USH2A: variants seen among roughly 807,000 people sequenced by gnomAD.
USH2A encodes Usher syndrome 2A (autosomal recessive, mild).
In USH2A, 443 loss-of-function variants were observed where a neutral mutation model predicts 538.9. The observed-to-expected ratio is 0.82, with a 90% confidence interval of 0.76 to 0.89. USH2A has a LOEUF of 0.89. Ranked by LOEUF, USH2A falls within the 40% of genes least tolerant of loss-of-function variation. The pLI is 0.00. For synonymous variants in USH2A, 2,413 were observed against 2,273.5 expected (o/e 1.06, Z -1.75); for missense variants, 6,633 against 6,324.8 (o/e 1.05, Z -1.65).
chr1:215,929,635 C>T (rs1447848996), intron 38 of USH2A, among the ~76,000 whole-genome samples: 1 of 151,918 alleles, frequency 6.6e-6, no homozygotes, highest in Non-Finnish European at 1.5e-5. Flanking sequence ...GTAGGAAGCA[C>T]CAAATGTTTA....
intron 38 of USH2A, among the ~76,000 whole-genome samples, chr1:215,925,061 A>G (rs1431732178): frequency 6.6e-6 from 1 of 152,148 alleles, no homozygotes; most frequent in Non-Finnish European, 1.5e-5. Context: ...AATTGTTCAC[A>G]AATTATGAAA....
intron 30 of USH2A, among the ~76,000 whole-genome samples, chr1:216,052,899 A>C (rs2030841293): frequency 6.6e-6 from 1 of 152,226 alleles, no homozygotes. Context: ...CTTTGAGATC[A>C]TTGAGTGGTT....
chr1:216,244,513 G>A (rs1298585425), intron 13 of USH2A, among the ~76,000 whole-genome samples: 2 of 152,042 alleles, frequency 1.3e-5, no homozygotes, highest in African/African-American at 4.8e-5. Context: ...GGGAGAAAAG[G>A]GCTTAGAGTT....
At position 216,101,176 on chromosome 1, in the gene USH2A, T is replaced by C. The variant is rs185987953; in HGVS notation, c.4628-3963A>G. Among the ~76,000 whole-genome samples the C allele has an allele frequency of 4.3e-4, 66 of 152,368 alleles. 1 individual carries two copies. The South Asian group carries it at 0.013, about 29-fold the overall frequency. On this transcript the variant is annotated intron_variant, in intron 21 of 71. Coordinates refer to ENST00000307340, the MANE Select transcript of USH2A (RefSeq NM_206933.4). ...TGACAATTAATTATTGCCATAGATATAGATAAATTCTATCTTTTGAGCCAA... is the reference window on the plus strand; with the variant it reads ...TGACAATTAATTATTGCCATAGATACAGATAAATTCTATCTTTTGAGCCAA...
intron 64 of USH2A, among the ~76,000 whole-genome samples, chr1:215,654,086 CA>C (rs1185857431): frequency 6.6e-6 from 1 of 151,436 alleles, no homozygotes; most frequent in Non-Finnish European, 1.5e-5. Context: ...ATTCTATGGC[CA>C]AGAGAAAAAA....
At chr1:216,277,434 C>A (rs2102589744) in intron 11 of USH2A, among the ~76,000 whole-genome samples, 1 of 152,228 alleles carries the variant, frequency 6.6e-6, no homozygotes, top group South Asian at 2.1e-4. Context: ...CAGGGTCCAC[C>A]TCCAAGCAGG....
At position 216,418,536 on chromosome 1, in the gene USH2A, T is replaced by C. The variant is rs2039613780; in HGVS notation, c.629A>G (p.Lys210Arg). 1 of 1,613,100 alleles carries C rather than the reference T, an allele frequency of 6.2e-7. No homozygotes were observed. The highest frequency in any genetic ancestry group is 1.3e-5 in the African/African-American group (1 of 74,858). ...VMTLGRILVK[K>R]WIHLSVQVHQ... is the part of the protein sequence containing the mutation. ...CACCTGCACACTAAGATGAATCCAT[T>C]TCTTCACAAGAATTCTCCCCAGTGT... The change falls in exon 3 of 72, where the codon AAA becomes AGA. Residue 210 changes from lysine (K) to arginine (R), a missense_variant. Physicochemically the swap from Lys to Arg is conservative, Grantham distance 26. Coordinates refer to ENST00000307340, the MANE Select transcript of USH2A (RefSeq NM_206933.4).
intron 64 of USH2A, among the ~76,000 whole-genome samples, chr1:215,670,206 A>G (rs966284975): frequency 7.2e-5 from 11 of 152,188 alleles, no homozygotes; most frequent in Non-Finnish European, 1.2e-4. Flanking sequence ...GCTGAAGATC[A>G]AGCCCCAGGC....
intron 21 of USH2A, among the ~76,000 whole-genome samples, chr1:216,123,837 T>C: frequency 6.6e-6 from 1 of 152,056 alleles, no homozygotes; most frequent in East Asian, 1.9e-4. Context: ...CCTAAGAAAG[T>C]TTTCTTTTTC....
At chr1:215,736,750 T>C (rs1558075587) in intron 60 of USH2A, among the ~76,000 whole-genome samples, 2 of 151,958 alleles carry the variant, frequency 1.3e-5, no homozygotes, top group Non-Finnish European at 2.9e-5. Context: ...AAATGAACAA[T>C]CTTACTTATA....
chr1:215,842,811 G>T (rs1261091162), intron 46 of USH2A, among the ~76,000 whole-genome samples: 1 of 151,986 alleles, frequency 6.6e-6, no homozygotes, highest in Non-Finnish European at 1.5e-5. Context: ...GGCCTGTTGG[G>T]GGGGCATCAG....
chr1:216,083,736 T>C (rs1451758890), intron 25 of USH2A, 150 bp from the exon 26 acceptor site: 1 of 775,272 alleles, frequency 1.3e-6, no homozygotes. Context: ...CCTTTTGTAA[T>C]TGCACAGAAG....
intron 67 of USH2A, among the ~76,000 whole-genome samples, chr1:215,646,234 G>GT (rs1281757877): frequency 6.6e-6 from 1 of 152,046 alleles, no homozygotes; most frequent in Non-Finnish European, 1.5e-5. Context: ...ACATAGAAGA[G>GT]TCTTGGACTT....
chr1:216,084,566 A>G (rs1281640698), intron 25 of USH2A, 132 bp downstream of exon 25: 4 of 907,520 alleles, frequency 4.4e-6, no homozygotes, highest in Non-Finnish European at 5.1e-6. Flanking sequence ...TGTGTGCACC[A>G]TTGGAATAAC....
rs1657927069 is a variant in USH2A, at chr1:215,674,399, C to T, written c.13512G>A (p.Glu4504=). 2.5e-6 allele frequency: 4 copies of T among 1,614,136 alleles called. No homozygotes were observed. The highest frequency in any genetic ancestry group is 2.2e-5 in the East Asian group (1 of 44,854). The part of the protein sequence containing the change: ...YRDFTLTPGV[E]YSYTVTASNS... ...TGCTGGCAGTTACTGTGTAGCTATACTCCACACCTGGGGTGAGAGTAAAAT... is the reference window on the plus strand; with the variant it reads ...TGCTGGCAGTTACTGTGTAGCTATATTCCACACCTGGGGTGAGAGTAAAAT... The change falls in exon 63 of 72, where the codon GAG becomes GAA. Residue 4504 remains glutamate (E), a synonymous_variant. Coordinates refer to ENST00000307340, the MANE Select transcript of USH2A (RefSeq NM_206933.4).
chr1:216,083,555 A>G lies in USH2A; in HGVS notation c.5199T>C (p.His1733=). 6.2e-7 allele frequency: 1 copy of G among 1,612,426 alleles called. No individual in the cohort carries two copies. Among genetic ancestry groups the G allele is most frequent in the Admixed American group, 1.7e-5 (1 of 59,862 alleles). Residue 1733 remains histidine, a synonymous_variant, in exon 26 of 72, where the codon CAT becomes CAC. Coordinates refer to ENST00000307340, the MANE Select transcript of USH2A (RefSeq NM_206933.4). ...AGGAAATCTCAAAGTTCATTCCACCATGAAACATATATGGATGAAGTTCCA... is the reference window on the plus strand; with the variant it reads ...AGGAAATCTCAAAGTTCATTCCACCGTGAAACATATATGGATGAAGTTCCA... ...GFLELHPYMF[H]GGMNFEISFK... is the part of the protein sequence containing the mutation.
chr1:215,849,349 T>C (rs954001142), intron 44 of USH2A, among the ~76,000 whole-genome samples: 1 of 152,052 alleles, frequency 6.6e-6, no homozygotes, highest in African/African-American at 2.4e-5. Flanking sequence ...GACAGAGATG[T>C]AAAGGGGTCT....
intron 9 of USH2A, among the ~76,000 whole-genome samples, chr1:216,296,851 T>C (rs187940370): frequency 6.6e-6 from 1 of 152,098 alleles, no homozygotes; most frequent in Non-Finnish European, 1.5e-5. Context: ...CAAATCAAAT[T>C]TATTTCATAA....
intron 61 of USH2A, among the ~76,000 whole-genome samples, chr1:215,714,929 T>C (rs1659441128): frequency 6.6e-6 from 1 of 152,232 alleles, no homozygotes; most frequent in African/African-American, 2.4e-5. Flanking sequence ...TTGATTATCT[T>C]AAGTAAGCTT....
Sources: gnomAD v4.1 joint callset for allele counts (sites outside exome capture counted in the v4.1 genomes callset) on GRCh38, gnomAD v4.1.1 for gene constraint, MANE v1.5 for transcripts, NCBI Gene and HGNC (gene_info 2026-07-23, HGNC 2026-07-21) for gene names.